The following RTEL1 variants were observed in gnomAD, a reference collection of about 807,000 sequenced individuals.
RTEL1 encodes the protein regulator of telomere elongation helicase 1.
Under a neutral mutation model 162.2 loss-of-function variants are expected in RTEL1, and 86 were observed. The observed-to-expected ratio is 0.53, with a 90% CI of 0.45 to 0.63. The LOEUF is 0.63. Ranked by LOEUF, RTEL1 falls within the 30% of genes least tolerant of loss-of-function variation. RTEL1 has a pLI of 0.00. For synonymous variants in RTEL1, 958 were observed against 717.9 expected (o/e 1.33, Z -5.35); for missense variants, 1,941 against 1,750.2 (o/e 1.11, Z -1.95).
chr20:63,680,601 C>CGGGGCT lies in RTEL1; in HGVS notation c.1136-58_1136-53dup, dbSNP rs2090459519. On this transcript the variant is annotated intron_variant, in intron 13 of 34. Transcript: ENST00000360203. ...CTGAGCGGGCTCATGCTGGAAGGGCCGGGGCTGGGGTCGGGGCCTCCCCTG... is the reference window on the plus strand; with the variant it reads ...CTGAGCGGGCTCATGCTGGAAGGGCCGGGGCTGGGGCTGGGGTCGGGGCCTCCCCTG... 7.0e-5 allele frequency: 110 copies of CGGGGCT among 1,566,654 alleles called. 3 individuals carry two copies. The South Asian group carries it at 1.2e-3, about 17-fold the overall frequency.
intron 14 of RTEL1, chr20:63,682,398 C>G (rs540770227): frequency 3.1e-6 from 3 of 983,260 alleles, no homozygotes; most frequent in East Asian, 1.1e-4. Flanking sequence ...TCCTGGAACG[C>G]GGCCTCCCAG....
intron 7 of RTEL1, 120 bp downstream of exon 7, chr20:63,666,199 AC>A: frequency 2.5e-6 from 2 of 800,056 alleles, no homozygotes; most frequent in Non-Finnish European, 3.9e-6. Context: ...TATGAAACTA[AC>A]CACCATTCAG....
intron 14 of RTEL1, among the ~76,000 whole-genome samples, chr20:63,684,502 T>C (rs2090547991): frequency 1.3e-5 from 2 of 152,198 alleles, no homozygotes; most frequent in Admixed American, 1.3e-4. Context: ...TATAGGCACC[T>C]GCCACCACGC....
rs116247522 is a variant in RTEL1 at position 63,668,106 on chromosome 20, C to T, written c.699+553C>T. On this transcript the variant is annotated intron_variant, in intron 8 of 34. Transcript: ENST00000360203. This position sits in a 1 kb window ranked among gnomAD's most constrained non-coding sequence, Gnocchi z 4.3. ...CTTCCGCCCCGTGTGCCCAGCCCCA[C>T]GCTCACTCCCCCCGCCAGCATGTGC... Among the ~76,000 whole-genome samples the T allele has an allele frequency of 9.4e-3, 1,418 of 150,844 alleles. 22 individuals are homozygous for T. Among genetic ancestry groups the T allele is most frequent in the African/African-American group, 0.033 (1,362 of 40,818 alleles).
At position 63,695,619 on chromosome 20, in the gene RTEL1, G is replaced by A. The variant is rs201540674; in HGVS notation, c.3791G>A (p.Arg1264His). The stretch of plus-strand genomic sequence containing the variant: ...CAGTGCCCTGCCTGTGACTTCCAGC[G>A]CTGCCAAGCCTGCTGGCAACGGCAC... ...PFQCPACDFQ[R>H]CQACWQRHLQ... The change falls in exon 34 of 35, where the codon CGC (arginine) becomes CAC (histidine). Residue 1264 changes from arginine to histidine, a missense_variant. Physicochemically the swap from Arg to His is conservative, Grantham distance 29. Coordinates refer to ENST00000360203, the MANE Select transcript of RTEL1 (RefSeq NM_001283009.2). 7.8e-5 allele frequency: 126 copies of A among 1,611,502 alleles called. No individual in the cohort carries two copies. The highest frequency in any genetic ancestry group is 1.6e-5 in the Non-Finnish European group (19 of 1,179,896).
Position 63,693,255 on chromosome 20 carries a change from G to A in RTEL1, c.2964G>A (p.Gln988=), listed in dbSNP as rs1380817783. Residue 988 remains glutamine, a synonymous_variant, in exon 30 of 35, where the codon CAG becomes CAA. Coordinates refer to ENST00000360203, the MANE Select transcript of RTEL1 (RefSeq NM_001283009.2). The part of the protein sequence containing the change: ...YRPEHSIPRR[Q]RAQPVLDPTG... ...CTGAGCACAGCATTCCCCGAAGGCA[G>A]CGGGCACAGCCGGTCCTGGACCCCA... is the stretch of plus-strand genomic sequence containing the variant. 2.5e-6 allele frequency: 4 copies of A among 1,611,944 alleles called. No individual in the cohort carries two copies. Among genetic ancestry groups the A allele is most frequent in the South Asian group, 1.1e-5 (1 of 91,092 alleles).
At chr20:63,670,841 A>T (rs2090226828) in intron 8 of RTEL1, among the ~76,000 whole-genome samples, 1 of 152,028 alleles carries the variant, frequency 6.6e-6, no homozygotes, top group South Asian at 2.1e-4. Context: ...AGAAAAAAGA[A>T]AAGACTTCAG....
chr20:63,683,062 C>G (rs1400981863), intron 14 of RTEL1, among the ~76,000 whole-genome samples: 1 of 152,184 alleles, frequency 6.6e-6, no homozygotes, highest in East Asian at 1.9e-4. Context: ...CTCCTGGGCC[C>G]AAGTGATCCT....
rs2090525860 is a variant in RTEL1, at chr20:63,683,694, C to G, written c.1192-1829C>G. ...TGCGGCGGGGCTCTGACGGCGGTGG[C>G]TTGGCTGACATGGCCACATTGCTGA... On this transcript the variant is annotated intron_variant, in intron 14 of 34. Coordinates refer to ENST00000360203, the MANE Select transcript of RTEL1 (RefSeq NM_001283009.2). Among the ~76,000 whole-genome samples, 2 of 152,180 alleles carry G rather than the reference C, an allele frequency of 1.3e-5. 1 individual carries two copies. The highest frequency in any genetic ancestry group is 2.9e-5 in the Non-Finnish European group (2 of 68,026).
In RTEL1 at chr20:63,661,414, C is replaced by T. The variant is rs781340943; in HGVS notation, c.219C>T (p.Ala73=). 1.5e-5 allele frequency: 25 copies of T among 1,613,820 alleles called. No homozygotes were observed. The highest frequency in any genetic ancestry group is 3.3e-4 in the Middle Eastern group (2 of 6,080). ...ACGGCATCTCTGCCCGCAAGATTGC[C>T]GAGAGGGCGCAAGGAGAGCTTTTCC... ...LRDGISARKI[A]ERAQGELFPD... is the part of the protein sequence containing the mutation. The change falls in exon 3 of 35, where the codon GCC becomes GCT. Residue 73 remains alanine, a synonymous_variant. Transcript: ENST00000360203. This position sits in a 1 kb window ranked among gnomAD's most constrained non-coding sequence, Gnocchi z 5.1.
intron 26 of RTEL1, 31 bp downstream of exon 26, chr20:63,690,472 T>TGG: frequency 3.8e-6 from 2 of 521,982 alleles, no homozygotes; most frequent in Non-Finnish European, 5.8e-6. Context: ...GTGGGCGGTG[T>TGG]GGGGGTGGCG....
chr20:63,677,493 T>C (rs2090380163), intron 10 of RTEL1, among the ~76,000 whole-genome samples: 1 of 152,196 alleles, frequency 6.6e-6, no homozygotes, highest in African/African-American at 2.4e-5. Context: ...CGCACACCTA[T>C]AGTCCCAGCT....
chr20:63,682,078 G>A (rs976886447), intron 14 of RTEL1: 2 of 985,348 alleles, frequency 2.0e-6, no homozygotes, highest in East Asian at 1.1e-4. Context: ...GGGCAGGTGT[G>A]AGCTGGCCCG....
At chr20:63,684,326 T>C (rs1338423744) in intron 14 of RTEL1, among the ~76,000 whole-genome samples, 1 of 152,186 alleles carries the variant, frequency 6.6e-6, no homozygotes, top group Non-Finnish European at 1.5e-5. Flanking sequence ...GGTTTTGTCG[T>C]AAGTCCTGGT....
At chr20:63,687,344 T>C (rs2090619421) in intron 16 of RTEL1, 2 of 355,748 alleles carry the variant, frequency 5.6e-6, no homozygotes, top group East Asian at 8.8e-5. Context: ...TCACAGTTTC[T>C]GCAGAAGTTT....
At chr20:63,665,972 GGT>G in intron 6 of RTEL1, 30 bp from the exon 7 acceptor site, 1 of 1,605,990 alleles carries the variant, frequency 6.2e-7, no homozygotes, top group South Asian at 1.1e-5. Flanking sequence ...GGACCCTGAG[GGT>G]GTGTGTTTAC....
At chr20:63,685,486 A>G in intron 14 of RTEL1, 37 bp from the exon 15 acceptor site, 1 of 1,603,486 alleles carries the variant, frequency 6.2e-7, no homozygotes, top group Non-Finnish European at 8.5e-7. Flanking sequence ...GGGTGGCCTC[A>G]GGCTCCTGAC....
intron 29 of RTEL1, 34 bp downstream of exon 29, chr20:63,693,037 G>A (rs747399305): frequency 1.9e-6 from 3 of 1,610,906 alleles, no homozygotes; most frequent in African/African-American, 2.7e-5. Context: ...CCACCCTGAG[G>A]GCAGTGCTGC....
rs1482135228 is a variant in RTEL1 at position 63,666,545 on chromosome 20, C to G, written c.614+466C>G. 2.6e-5 allele frequency among the ~76,000 whole-genome samples: 4 copies of G among 151,924 alleles called. 1 individual carries two copies. In the East Asian group the frequency reaches 5.8e-4, roughly 22 times the overall value. On this transcript the variant is annotated intron_variant, in intron 7 of 34. Coordinates refer to ENST00000360203, the MANE Select transcript of RTEL1 (RefSeq NM_001283009.2). The stretch of plus-strand genomic sequence containing the variant: ...TATTGAGGGGGAAACCTCCCTCCCC[C>G]TTTTTTTTGAAACAGGGTCTCGCTC...
Sources: gnomAD v4.1 joint callset for allele counts (sites outside exome capture counted in the v4.1 genomes callset) on GRCh38, gnomAD v4.1.1 for gene constraint, Gnocchi (gnomAD v3.1) non-coding constraint, MANE v1.5 for transcripts, NCBI Gene and HGNC (gene_info 2026-07-23, HGNC 2026-07-21) for gene names.